SMURF2: variants seen among roughly 807,000 people sequenced by gnomAD.
The protein encoded by SMURF2 is SMAD specific E3 ubiquitin protein ligase 2, also known as E3 ubiquitin-protein ligase SMURF2.
In SMURF2, 48 loss-of-function variants were observed where a neutral mutation model predicts 109.6. The observed-to-expected ratio is 0.44, with a 90% CI of 0.35 to 0.56. The LOEUF (loss-of-function observed/expected upper bound fraction) is 0.56. Ranked by LOEUF, SMURF2 falls within the 20% of genes least tolerant of loss-of-function variation. The probability of loss-of-function intolerance (pLI) is 0.01; values close to 1 mark genes in which losing one functional copy is unlikely to be tolerated. For synonymous variants in SMURF2, 288 were observed against 317.1 expected, an observed-to-expected ratio of 0.91 and a Z score of 0.97; for missense variants, 575 against 909.0, an observed-to-expected ratio of 0.63 and a Z score of 4.72.
rs373389092 is a variant in SMURF2 at position 64,606,609 on chromosome 17, A to T, written c.84T>A (p.Asp28Glu). 6.5e-7 allele frequency: 1 copy of T among 1,547,362 alleles called. No homozygotes were observed. Among genetic ancestry groups the T allele is most frequent in the Non-Finnish European group, 8.8e-7 (1 of 1,140,768 alleles). Residue 28 changes from aspartate to glutamate, a missense_variant, in exon 2 of 19, where the codon GAT becomes GAA. This residue lies in a region of SMURF2 where 30 missense variants were observed against 34.5 expected (regional missense o/e 0.87). Transcript: ENST00000262435. ...TAAAGTTAATTTACTTACGGAAAAA[A>T]TCCTTTTTCACCAGGTTTTTTGCAC... is the stretch of plus-strand genomic sequence containing the variant. ...VLCAKNLVKK[D>E]FFRLPDPFAK...
At chr17:64,609,240 T>C (rs567807990) in intron 1 of SMURF2, among the ~76,000 whole-genome samples, 6 of 152,242 alleles carry the variant, frequency 3.9e-5, no homozygotes, top group Non-Finnish European at 5.9e-5. Context: ...CAAGCTACCA[T>C]TGACTCTCTT....
Position 64,648,058 on chromosome 17 carries a change from T to TAAA in SMURF2, c.52+13768_52+13770dup, listed in dbSNP as rs56131846. Among the ~76,000 whole-genome samples the TAAA allele has an allele frequency of 3.4e-3, 60 of 17,686 alleles. 6 individuals are homozygous for TAAA. The highest frequency in any genetic ancestry group is 3.9e-3 in the Non-Finnish European group (36 of 9,156). The allele number at this position is 17,686 out of a possible 152,430, so 11.6% of individuals were successfully genotyped here. A position where few individuals can be genotyped will look rare whatever the true frequency, so the allele number is the denominator to read the frequency against. On this transcript the variant is annotated intron_variant, in intron 1 of 18. Transcript: ENST00000262435. ...GGCAACACAGTGAGACCCTATCTCT[T>TAAA]AAAAAAAAAAAAAAAAAAAAAAAAA...
intron 10 of SMURF2, among the ~76,000 whole-genome samples, chr17:64,564,075 CA>C (rs1969266427): frequency 1.3e-5 from 2 of 152,188 alleles, no homozygotes; most frequent in African/African-American, 2.4e-5. Flanking sequence ...GGGCTGGGGG[CA>C]TGGCAAAAGA....
chr17:64,608,814 G>T (rs1970006438), intron 1 of SMURF2, among the ~76,000 whole-genome samples: 2 of 152,032 alleles, frequency 1.3e-5, no homozygotes, highest in African/African-American at 4.8e-5. Context: ...TGTTCTCGGG[G>T]ATCTTCACAG....
intron 3 of SMURF2, among the ~76,000 whole-genome samples, chr17:64,597,802 A>G (rs1308972122): frequency 2.1e-5 from 3 of 143,598 alleles, no homozygotes; most frequent in Non-Finnish European, 4.8e-5. Context: ...AAAACTAAAA[A>G]AAGAAAACTG....
chr17:64,616,009 T>C (rs1207392394), intron 1 of SMURF2, among the ~76,000 whole-genome samples: 1 of 152,076 alleles, frequency 6.6e-6, no homozygotes, highest in Non-Finnish European at 1.5e-5. Flanking sequence ...GCTGTATTTT[T>C]AGTAGAGACA....
chr17:64,561,362 TATTAGGATATCCTCAGTGATACAAAC>T (rs1187267603), intron 12 of SMURF2, 112 bp downstream of exon 12: 10 of 627,858 alleles, frequency 1.6e-5, no homozygotes, highest in Admixed American at 5.8e-5. Context: ...TGAATATATC[TATTAGGATATCCTCAGTGATACAAAC>T]ATTAGGGAAT....
chr17:64,590,236 G>T (rs1291589022), intron 5 of SMURF2, among the ~76,000 whole-genome samples: 1 of 150,702 alleles, frequency 6.6e-6, no homozygotes. Context: ...TCGCCTCCTG[G>T]GTTCAAGCGA....
chr17:64,584,361 C>CTTTTTTCT (rs1969620548), intron 6 of SMURF2, among the ~76,000 whole-genome samples: 1 of 112,754 alleles, frequency 8.9e-6, no homozygotes, highest in African/African-American at 3.7e-5. Context: ...CTTTTTTTTT[C>CTTTTTTCT]TTTTTTTTTT....
At chr17:64,608,548 C>A (rs782672290) in intron 1 of SMURF2, among the ~76,000 whole-genome samples, 6 of 152,148 alleles carry the variant, frequency 3.9e-5, no homozygotes, top group Non-Finnish European at 7.4e-5. Context: ...AGGATCAATA[C>A]ACATGTAACA....
At chr17:64,643,986 T>A (rs1970523479) in intron 1 of SMURF2, among the ~76,000 whole-genome samples, 1 of 151,762 alleles carries the variant, frequency 6.6e-6, no homozygotes, top group Admixed American at 6.6e-5. Flanking sequence ...CCACCAAGCC[T>A]GGCTAATTTT....
chr17:64,603,414 T>A (rs542972066), intron 2 of SMURF2, among the ~76,000 whole-genome samples: 12 of 151,876 alleles, frequency 7.9e-5, no homozygotes, highest in Admixed American at 7.9e-4. Context: ...AAACCCCGTC[T>A]CTACTAAAAA....
Position 64,545,997 on chromosome 17 carries a change from CT to C in SMURF2, c.2148-51del, listed in dbSNP as rs782193964. 4 of 1,221,654 alleles carry C rather than the reference CT, an allele frequency of 3.3e-6. No homozygotes were observed. The South Asian group carries it at 4.8e-5, about 15-fold the overall frequency. 75.7% of individuals were successfully genotyped at this position (1,221,654 alleles called of 1,614,324 possible). A position where few individuals can be genotyped will look rare whatever the true frequency, so the allele number is the denominator to read the frequency against. On this transcript the variant is annotated intron_variant, in intron 18 of 18. Transcript: ENST00000262435. ...ATACAGTTCATTCAAAATAAGTAAA[CT>C]GGCCTAGCAAGTGTATACCAGTATA...
intron 3 of SMURF2, among the ~76,000 whole-genome samples, chr17:64,597,240 C>T (rs530766758): frequency 6.6e-6 from 1 of 151,734 alleles, no homozygotes; most frequent in East Asian, 1.9e-4. Flanking sequence ...CCCATCTCTA[C>T]AAAAAATTAC....
intron 1 of SMURF2, among the ~76,000 whole-genome samples, chr17:64,656,589 C>A (rs1230649098): frequency 6.6e-6 from 1 of 151,946 alleles, no homozygotes; most frequent in African/African-American, 2.4e-5. Flanking sequence ...GGAAAAATTA[C>A]TCATGAAACC....
chr17:64,595,534 T>C (rs1969804967), intron 3 of SMURF2, among the ~76,000 whole-genome samples: 1 of 152,196 alleles, frequency 6.6e-6, no homozygotes, highest in Non-Finnish European at 1.5e-5. Flanking sequence ...GATGTTTTGT[T>C]GAAAGGGAGA....
intron 1 of SMURF2, among the ~76,000 whole-genome samples, chr17:64,620,918 C>T (rs904992437): frequency 1.3e-5 from 2 of 152,168 alleles, no homozygotes; most frequent in Admixed American, 1.3e-4. Flanking sequence ...TTTCCCCTAA[C>T]CTAGTAACTC....
chr17:64,550,336 T>C (rs1969023630), intron 16 of SMURF2, among the ~76,000 whole-genome samples: 1 of 152,240 alleles, frequency 6.6e-6, no homozygotes, highest in Non-Finnish European at 1.5e-5. Flanking sequence ...TTGGGACCTT[T>C]AATAGAATTA....
At chr17:64,551,555 T>TA (rs1555683609) in intron 16 of SMURF2, 29 bp downstream of exon 16, 2 of 1,607,874 alleles carry the variant, frequency 1.2e-6, no homozygotes, top group Admixed American at 3.3e-5. Flanking sequence ...CTTGTTACAC[T>TA]AGTGATGTTA....
Sources: gnomAD v4.1 joint callset for allele counts (sites outside exome capture counted in the v4.1 genomes callset) on GRCh38, gnomAD v4.1.1 for gene constraint, gnomAD v4.1.1 regional missense constraint, MANE v1.5 for transcripts, NCBI Gene and HGNC (gene_info 2026-07-23, HGNC 2026-07-21) for gene names.